Variants in HERC1 observed in about 807,000 individuals in gnomAD.
The protein encoded by HERC1 is HECT and RLD domain containing E3 ubiquitin protein ligase family member 1, also known as probable E3 ubiquitin-protein ligase HERC1.
In HERC1, 160 loss-of-function variants were observed where a neutral mutation model predicts 554.3. The ratio of observed to expected loss-of-function variants is 0.29; its 90% CI spans 0.25 to 0.33. HERC1 has a LOEUF of 0.33. Ranked by LOEUF, HERC1 falls within the 10% of genes least tolerant of loss-of-function variation. The pLI, the probability that HERC1 is intolerant of heterozygous loss-of-function variation, is 1.00. For missense variants in HERC1, 4,919 were observed against 5,918.5 expected, an observed-to-expected ratio of 0.83 and a Z score of 5.54; for synonymous variants, 2,175 against 2,131.7, an observed-to-expected ratio of 1.02 and a Z score of -0.56.
chr15:63,611,314 T>A (rs2067578446), intron 77 of HERC1, among the ~76,000 whole-genome samples: 1 of 151,898 alleles, frequency 6.6e-6, no homozygotes, highest in South Asian at 2.1e-4. Flanking sequence ...ACAAAGGGGG[T>A]CTCTGAAAGG....
rs745684469 is a variant in HERC1 at position 63,660,938 on chromosome 15, A to C, written c.9223+35T>G. On this transcript the variant is annotated intron_variant, in intron 46 of 77. Coordinates refer to ENST00000443617, the MANE Select transcript of HERC1 (RefSeq NM_003922.4). Reference sequence around the variant, plus strand: ...TTAAGCAGAGAGGATATATAAAAAAACATGTAAAATAAAGAAGCTCTCAAA... The same window carrying C: ...TTAAGCAGAGAGGATATATAAAAAACCATGTAAAATAAAGAAGCTCTCAAA... 5 of 1,302,760 alleles carry C rather than the reference A, an allele frequency of 3.8e-6. No homozygotes were observed. The East Asian group carries it at 1.1e-4, about 30-fold the overall frequency. The allele number at this position is 1,302,760 out of a possible 1,614,324, so 80.7% of individuals were successfully genotyped here.
At chr15:63,703,014 G>T (rs1297381141) in intron 25 of HERC1, among the ~76,000 whole-genome samples, 1 of 149,590 alleles carries the variant, frequency 6.7e-6, no homozygotes, top group Non-Finnish European at 1.5e-5. Flanking sequence ...TGAGGCAGGA[G>T]AATTGCTTGA....
chr15:63,693,819 TGAAGA>T lies in HERC1; in HGVS notation c.5674+140_5674+144del, dbSNP rs1205720044. 4 of 832,168 alleles carry T rather than the reference TGAAGA, an allele frequency of 4.8e-6. No individual in the cohort carries two copies. In the Admixed American group the frequency reaches 1.2e-4, roughly 24 times the overall value. 51.5% of individuals were successfully genotyped at this position (832,168 alleles called of 1,614,324 possible). ...GAAGCTCATCTAAATCATATATACGTGAAGAGAAAAGAGGTTTGTAAATAAACAAA... is the reference window on the plus strand; with the variant it reads ...GAAGCTCATCTAAATCATATATACGTGAAAAGAGGTTTGTAAATAAACAAA... On this transcript the variant is annotated intron_variant, in intron 30 of 77. Transcript: ENST00000443617.
intron 43 of HERC1, among the ~76,000 whole-genome samples, chr15:63,663,872 T>C (rs2414827): frequency 0.81 from 124,020 of 152,216 alleles, 52,407 homozygotes; most frequent in Non-Finnish European, 0.88. Context: ...TCACTGTTCC[T>C]GTAAATTACT....
chr15:63,774,923 A>G lies in HERC1; in HGVS notation c.701T>C (p.Ile234Thr). The G allele has an allele frequency of 6.2e-7, 1 of 1,614,048 alleles. No individual in the cohort carries two copies. The highest frequency in any genetic ancestry group is 8.5e-7 in the Non-Finnish European group (1 of 1,179,892). ...QVTTFLKGVT[I>T]PNSGADTLGR... ...TAAAGTGTCTGCCCCAGAATTAGGAATAGTGACTCCTTTAAGAAATGTTGT... is the reference window on the plus strand; with the variant it reads ...TAAAGTGTCTGCCCCAGAATTAGGAGTAGTGACTCCTTTAAGAAATGTTGT... The change falls in exon 2 of 78, where the codon ATT becomes ACT. Residue 234 changes from isoleucine to threonine, a missense_variant. By Grantham distance (89) the Ile-to-Thr change is moderately conservative. Coordinates refer to ENST00000443617, the MANE Select transcript of HERC1 (RefSeq NM_003922.4).
At position 63,661,956 on chromosome 15, in the gene HERC1, G is replaced by C. The variant is rs1376231378; in HGVS notation, c.8967C>G (p.Val2989=). ...VVCELCECSV[V]SFNQHMKRNH... is the part of the protein sequence containing the mutation. ...TTCTCTTCATGTGCTGATTGAAGCT[G>C]ACGACGCTGCATTCACACAGTTCAC... The change falls in exon 45 of 78, where the codon GTC becomes GTG. Residue 2989 remains valine (V), a synonymous_variant. Transcript: ENST00000443617. 1.9e-6 allele frequency: 3 copies of C among 1,613,960 alleles called. No individual in the cohort carries two copies.
intron 74 of HERC1, among the ~76,000 whole-genome samples, chr15:63,619,831 G>A (rs9744110): frequency 2.0e-4 from 31 of 151,878 alleles, no homozygotes; most frequent in African/African-American, 6.8e-4. Flanking sequence ...CTGTGGGATC[G>A]GTGGTGATAT....
At chr15:63,816,267 G>T (rs1384560244) in intron 1 of HERC1, among the ~76,000 whole-genome samples, 1 of 152,182 alleles carries the variant, frequency 6.6e-6, no homozygotes, top group Non-Finnish European at 1.5e-5. Flanking sequence ...TTCCAAGAGA[G>T]AATAAAGTAC....
At chr15:63,833,479 G>A (rs2078227053) in intron 1 of HERC1, among the ~76,000 whole-genome samples, 1 of 152,106 alleles carries the variant, frequency 6.6e-6, no homozygotes, top group African/African-American at 2.4e-5. Flanking sequence ...AGAAAGAGAC[G>A]CGACCACAGC....
chr15:63,672,455 C>T, intron 39 of HERC1, 41 bp downstream of exon 39: 1 of 1,408,696 alleles, frequency 7.1e-7, no homozygotes, highest in Non-Finnish European at 9.7e-7. Context: ...TTCAGAAACA[C>T]AGGCATCAGT....
At chr15:63,636,561 G>T (rs746859330) in intron 64 of HERC1, among the ~76,000 whole-genome samples, 1 of 152,152 alleles carries the variant, frequency 6.6e-6, no homozygotes, top group Non-Finnish European at 1.5e-5. Flanking sequence ...ATGAGCCACA[G>T]TAACCGGCCT....
At chr15:63,664,443 A>G (rs1027528242) in intron 43 of HERC1, 27 bp downstream of exon 43, 4 of 1,583,342 alleles carry the variant, frequency 2.5e-6, no homozygotes, top group Admixed American at 3.5e-5. Flanking sequence ...TCTTTCACAA[A>G]GAAAAGGATA....
At chr15:63,628,539 C>T in intron 70 of HERC1, 138 bp downstream of exon 70, 1 of 912,098 alleles carries the variant, frequency 1.1e-6, no homozygotes, top group Non-Finnish European at 1.6e-6. Flanking sequence ...GCTAGTAGCA[C>T]AAAGAATGCT....
rs2072406015 is a variant in HERC1, at chr15:63,696,270, G to C, written c.4975C>G (p.Leu1659Val). 1.2e-6 allele frequency: 2 copies of C among 1,613,432 alleles called. No homozygotes were observed. Among genetic ancestry groups the C allele is most frequent in the Non-Finnish European group, 1.7e-6 (2 of 1,179,674 alleles). The change falls in exon 27 of 78, where the codon CTG (leucine) becomes GTG (valine). Residue 1659 changes from leucine to valine, a missense_variant. By Grantham distance (32) the Leu-to-Val change is conservative. Coordinates refer to ENST00000443617, the MANE Select transcript of HERC1 (RefSeq NM_003922.4). ...CCTGAACTCAATCTGCTTCCTGCCA[G>C]TGAGATGCTACCTTTTTCTTCCATC... is the stretch of plus-strand genomic sequence containing the variant. ...SGMEEKGSIS[L>V]AGSRLSSGFQ...
At position 63,733,127 on chromosome 15, in the gene HERC1, T is replaced by C. The variant is rs1184628335; in HGVS notation, c.2665A>G (p.Ile889Val). ...SKGQRMQLDI[I>V]LTSLQDHTHV... ...GTATGATCTTGCAAACTTGTCAGGA[T>C]GATATCCAGTTGCATTCTCTAAAGA... The change falls in exon 14 of 78, where the codon ATC (isoleucine) becomes GTC (valine). Residue 889 changes from isoleucine (I) to valine (V), a missense_variant. By Grantham distance (29) the Ile-to-Val change is conservative. This residue lies in a region of HERC1 where 744 missense variants were observed against 1,090.0 expected (regional missense o/e 0.68). Coordinates refer to ENST00000443617, the MANE Select transcript of HERC1 (RefSeq NM_003922.4). 1 of 1,612,644 alleles carries C rather than the reference T, an allele frequency of 6.2e-7. No individual in the cohort carries two copies. Among genetic ancestry groups the C allele is most frequent in the African/African-American group, 1.3e-5 (1 of 74,898 alleles).
intron 45 of HERC1, 86 bp from the exon 46 acceptor site, chr15:63,661,111 A>C: frequency 1.0e-6 from 1 of 956,406 alleles, no homozygotes; most frequent in Non-Finnish European, 1.7e-6. Flanking sequence ...ACATTTTAAG[A>C]GGTCATTAAT....
At chr15:63,659,641 T>G (rs2070247801) in intron 47 of HERC1, 95 bp downstream of exon 47, 3 of 834,396 alleles carry the variant, frequency 3.6e-6, no homozygotes, top group Admixed American at 2.4e-5. Context: ...ACCATTAGTC[T>G]TATTTACTTT....
chr15:63,692,486 C>G lies in HERC1; in HGVS notation c.5755G>C (p.Ala1919Pro). The change falls in exon 31 of 78, where the codon GCA becomes CCA. Residue 1919 changes from alanine (A) to proline (P), a missense_variant. Ala to Pro is a conservative substitution (Grantham distance 27). Around this residue, in one of 11 missense-constraint regions of HERC1, gnomAD observed 1,121 missense variants for 1,244.0 expected, o/e 0.90. Transcript: ENST00000443617. This position sits in a 1 kb window ranked among gnomAD's most constrained non-coding sequence, Gnocchi z 4.7. ...VFLRRVVSSKAIQSKMASPKW... is the reference protein window; with the variant it reads ...VFLRRVVSSKPIQSKMASPKW... ...GGGGAAGCCATTTTTGATTGAATTGCTTTTGAAGATACAACTCTGCGAAGA... is the reference window on the plus strand; with the variant it reads ...GGGGAAGCCATTTTTGATTGAATTGGTTTTGAAGATACAACTCTGCGAAGA... 6.2e-7 allele frequency: 1 copy of G among 1,613,250 alleles called. No individual in the cohort carries two copies. The highest frequency in any genetic ancestry group is 8.5e-7 in the Non-Finnish European group (1 of 1,179,606).
intron 30 of HERC1, among the ~76,000 whole-genome samples, chr15:63,693,247 CTTT>C (rs112964926): frequency 1.2e-4 from 16 of 135,488 alleles, no homozygotes; most frequent in Non-Finnish European, 1.6e-4. Context: ...TTTTCTTTTT[CTTT>C]TTTTTTTTTT....
Sources: gnomAD v4.1 joint callset for allele counts (sites outside exome capture counted in the v4.1 genomes callset) on GRCh38, gnomAD v4.1.1 for gene constraint, gnomAD v4.1.1 regional missense constraint, Gnocchi (gnomAD v3.1) non-coding constraint, MANE v1.5 for transcripts, NCBI Gene and HGNC (gene_info 2026-07-23, HGNC 2026-07-21) for gene names.